Variants in PDE3B observed in about 807,000 individuals in gnomAD.
PDE3B encodes phosphodiesterase 3B, also known as cGMP-inhibited 3',5'-cyclic phosphodiesterase 3B.
In PDE3B, 66 loss-of-function variants were observed where a neutral mutation model predicts 116.8. The ratio of observed to expected loss-of-function variants is 0.56; its 90% CI spans 0.46 to 0.69. The LOEUF is 0.69. Among genes scored for constraint, PDE3B ranks in the 30% least tolerant of loss-of-function variants. The pLI is 0.00. For synonymous variants in PDE3B, 595 were observed against 533.6 expected, an observed-to-expected ratio of 1.12 and a Z score of -1.59; for missense variants, 1,384 against 1,368.1, an observed-to-expected ratio of 1.01 and a Z score of -0.18.
intron 1 of PDE3B, among the ~76,000 whole-genome samples, chr11:14,706,167 C>CGGAG (rs1490642341): frequency 6.6e-6 from 1 of 151,668 alleles, no homozygotes; most frequent in Admixed American, 6.6e-5. Flanking sequence ...CCCTTCTCTC[C>CGGAG]CTCTTCTACC....
intron 1 of PDE3B, among the ~76,000 whole-genome samples, chr11:14,738,560 G>A (rs1856666217): frequency 6.6e-6 from 1 of 151,820 alleles, no homozygotes; most frequent in African/African-American, 2.4e-5. Flanking sequence ...CCATTCTCTA[G>A]GTTGACTTTT....
rs373739636 is a variant in PDE3B, at chr11:14,660,310, T to A, written c.978+15257T>A. On this transcript the variant is annotated intron_variant, in intron 1 of 15. Coordinates refer to ENST00000282096, the MANE Select transcript of PDE3B (RefSeq NM_000922.4). ...TATTATTGCTTCTAATATTCTTTTT[T>A]TTTTTTTTTGAGGTGGGGTCTCGCC... 2.6e-5 allele frequency among the ~76,000 whole-genome samples: 4 copies of A among 151,882 alleles called. No individual in the cohort carries two copies. The East Asian group carries it at 5.8e-4, about 22-fold the overall frequency.
rs11023322 is a variant in PDE3B at position 14,733,754 on chromosome 11, A to G, written c.979-38183A>G. ...AAATGAAAAAGAAAAAAGGTAGGAA[A>G]GATGTGCCTTTTAGCCAATAAATAG... On this transcript the variant is annotated intron_variant, in intron 1 of 15. Transcript: ENST00000282096. Among the ~76,000 whole-genome samples, 653 of 152,350 alleles carry G rather than the reference A, an allele frequency of 4.3e-3. 29 individuals carry two copies. The East Asian group carries it at 0.11, about 25-fold the overall frequency.
At chr11:14,827,826 A>C (rs1318686334) in intron 7 of PDE3B, among the ~76,000 whole-genome samples, 2 of 152,250 alleles carry the variant, frequency 1.3e-5, no homozygotes, top group Non-Finnish European at 2.9e-5. Flanking sequence ...TTTAAAATTC[A>C]TATGGAACCA....
downstream of PDE3B, among the ~76,000 whole-genome samples, chr11:14,874,656 TCTA>T (rs1322994052): frequency 6.6e-6 from 1 of 152,194 alleles, no homozygotes; most frequent in Non-Finnish European, 1.5e-5. Context: ...TTCTTAAACT[TCTA>T]CTACTTGTCA....
chr11:14,758,731 A>G (rs1175730201), intron 1 of PDE3B, among the ~76,000 whole-genome samples: 1 of 151,492 alleles, frequency 6.6e-6, no homozygotes, highest in Middle Eastern at 3.2e-3. Flanking sequence ...TTCTAGATAT[A>G]CAATCATGTC....
chr11:14,843,724 A>G, intron 11 of PDE3B, 103 bp from the exon 12 acceptor site: 1 of 819,526 alleles, frequency 1.2e-6, no homozygotes, highest in East Asian at 2.4e-5. Context: ...AAATCAGCAA[A>G]TAAAATAAGT....
intron 8 of PDE3B, 54 bp downstream of exon 8, chr11:14,830,900 G>A: frequency 8.5e-7 from 1 of 1,179,882 alleles, no homozygotes; most frequent in Non-Finnish European, 1.1e-6. Context: ...AATACTGTTA[G>A]TACTGGTTTC....
chr11:14,730,349 C>G (rs144134952), intron 1 of PDE3B, among the ~76,000 whole-genome samples: 1 of 152,256 alleles, frequency 6.6e-6, no homozygotes, highest in East Asian at 1.9e-4. Context: ...TATCAACACT[C>G]CTCAGGTAGG....
At chr11:14,791,066 T>C (rs560533514) in intron 4 of PDE3B, among the ~76,000 whole-genome samples, 5 of 152,242 alleles carry the variant, frequency 3.3e-5, no homozygotes, top group East Asian at 3.9e-4. Flanking sequence ...TTAATTCTTA[T>C]TAATTTCATT....
chr11:14,739,515 G>T (rs1856702233), intron 1 of PDE3B, among the ~76,000 whole-genome samples: 1 of 152,138 alleles, frequency 6.6e-6, no homozygotes. Context: ...GAGATGATGG[G>T]TTTTTCTAGA....
intron 1 of PDE3B, among the ~76,000 whole-genome samples, chr11:14,665,446 G>A (rs1026825727): frequency 6.6e-6 from 1 of 152,104 alleles, no homozygotes; most frequent in Non-Finnish European, 1.5e-5. Context: ...GGAAATAAAG[G>A]GTATTCAATT....
intron 5 of PDE3B, among the ~76,000 whole-genome samples, chr11:14,805,469 G>T (rs1301282183): frequency 1.3e-5 from 2 of 152,174 alleles, no homozygotes; most frequent in African/African-American, 2.4e-5. Flanking sequence ...CTGTGGTGAT[G>T]GGTATGTTAA....
At chr11:14,867,847 C>A in intron 15 of PDE3B, 89 bp downstream of exon 15, 2 of 1,234,454 alleles carry the variant, frequency 1.6e-6, no homozygotes, top group Non-Finnish European at 2.2e-6. Context: ...GCTCCAAAAT[C>A]CAAAATTTTT....
the PDE3B span, among the ~76,000 whole-genome samples, chr11:14,896,124 C>T: frequency 6.6e-6 from 1 of 152,222 alleles, no homozygotes; most frequent in Non-Finnish European, 1.5e-5. Context: ...GCCACTTCCT[C>T]CCATCCAGCT....
At chr11:14,780,376 C>G (rs1411060154) in intron 2 of PDE3B, among the ~76,000 whole-genome samples, 3 of 152,202 alleles carry the variant, frequency 2.0e-5, no homozygotes, top group Admixed American at 2.0e-4. Flanking sequence ...TTCTCAGCAC[C>G]ACATTGCACT....
intron 11 of PDE3B, among the ~76,000 whole-genome samples, chr11:14,840,390 G>A (rs1860184303): frequency 6.6e-6 from 1 of 152,150 alleles, no homozygotes; most frequent in East Asian, 1.9e-4. Flanking sequence ...GGGGCCCTCT[G>A]ATCCTCCAGT....
the PDE3B span, chr11:14,880,010 A>G: frequency 6.6e-6 from 6 of 909,836 alleles, no homozygotes; most frequent in Non-Finnish European, 8.3e-6. Flanking sequence ...ACTATTAAAT[A>G]TTTCTATACT....
chr11:14,746,027 C>A (rs1212805983), intron 1 of PDE3B, among the ~76,000 whole-genome samples: 1 of 152,230 alleles, frequency 6.6e-6, no homozygotes, highest in Non-Finnish European at 1.5e-5. Flanking sequence ...ATTTCCCCAG[C>A]TGCTAGGAAG....
Sources: gnomAD v4.1 joint callset for allele counts (sites outside exome capture counted in the v4.1 genomes callset) on GRCh38, gnomAD v4.1.1 for gene constraint, MANE v1.5 for transcripts, NCBI Gene and HGNC (gene_info 2026-07-23, HGNC 2026-07-21) for gene names.